The following USP34 variants were observed in gnomAD, a reference collection of about 807,000 sequenced individuals.
USP34 encodes the protein ubiquitin specific peptidase 34.
Under a neutral mutation model 460.3 loss-of-function variants are expected in USP34, and 70 were observed. The ratio of observed to expected loss-of-function variants is 0.15; its 90% CI spans 0.13 to 0.19. The LOEUF is 0.19. Ranked by LOEUF, USP34 falls within the 10% of genes least tolerant of loss-of-function variation. The probability of loss-of-function intolerance (pLI) is 1.00; values close to 1 mark genes in which losing one functional copy is unlikely to be tolerated. For missense variants in USP34, 3,985 were observed against 4,236.2 expected (o/e 0.94, Z 1.65); for synonymous variants, 1,647 against 1,405.3 (o/e 1.17, Z -3.85).
At chr2:61,220,595 T>A (rs1196119849) in intron 66 of USP34, 138 bp from the exon 67 acceptor site, 2 of 781,142 alleles carry the variant, frequency 2.6e-6, no homozygotes, top group Non-Finnish European at 3.6e-6. Context: ...TTCACCCTAT[T>A]TTTTTCCCAT....
At chr2:61,350,762 A>G in intron 10 of USP34, 69 bp from the exon 11 acceptor site, 2 of 1,503,318 alleles carry the variant, frequency 1.3e-6, no homozygotes, top group Non-Finnish European at 1.8e-6. Context: ...CTGATATAAA[A>G]ACAGTTTGAA....
intron 37 of USP34, among the ~76,000 whole-genome samples, chr2:61,281,477 T>A (rs776761592): frequency 2.6e-5 from 4 of 152,078 alleles, no homozygotes; most frequent in Admixed American, 1.3e-4. Flanking sequence ...CCGGGTGTGG[T>A]GACTTGCGCC....
At chr2:61,395,564 C>T (rs192395580) in intron 3 of USP34, among the ~76,000 whole-genome samples, 243 of 151,498 alleles carry the variant, frequency 1.6e-3, no homozygotes, top group Non-Finnish European at 4.1e-4. Flanking sequence ...TTTGGGAGGC[C>T]GAGGCGGGCG....
At chr2:61,235,979 T>A in intron 56 of USP34, 47 bp downstream of exon 56, 1 of 1,594,852 alleles carries the variant, frequency 6.3e-7, no homozygotes, top group African/African-American at 1.4e-5. Context: ...AAAAGATATC[T>A]GATAAAAACA....
At chr2:61,464,603 T>C (rs1331784924) in intron 1 of USP34, among the ~76,000 whole-genome samples, 1 of 149,704 alleles carries the variant, frequency 6.7e-6, no homozygotes, top group Non-Finnish European at 1.5e-5. Context: ...TTTAAAACAA[T>C]GACGTACACC....
chr2:61,281,112 G>T lies in USP34; in HGVS notation c.5129C>A (p.Ala1710Asp), dbSNP rs763245194. 6.2e-7 allele frequency: 1 copy of T among 1,613,666 alleles called. No homozygotes were observed. Among genetic ancestry groups the T allele is most frequent in the Non-Finnish European group, 8.5e-7 (1 of 1,179,796 alleles). ...TACCCTAATAGGTTTGAGTGCTTGA[G>T]CATCAGGAAGAAATTTCAATAATGT... ...ASTLLKFLPD[A>D]QALKPIRIDD... Residue 1710 changes from alanine (A) to aspartate (D), a missense_variant, in exon 38 of 80, where the codon GCT (alanine) becomes GAT (aspartate). Ala to Asp is a moderately radical substitution (Grantham distance 126, BLOSUM62 -2). Coordinates refer to ENST00000398571, the MANE Select transcript of USP34 (RefSeq NM_014709.4).
At chr2:61,453,388 T>C (rs372441461) in intron 1 of USP34, among the ~76,000 whole-genome samples, 11 of 151,064 alleles carry the variant, frequency 7.3e-5, no homozygotes, top group African/African-American at 1.5e-4. Flanking sequence ...TACTCCAGCA[T>C]AGACGACAGA....
chr2:61,229,809 CA>C (rs1180608964), intron 58 of USP34, among the ~76,000 whole-genome samples, 176 bp from the exon 59 acceptor site: 3 of 152,002 alleles, frequency 2.0e-5, no homozygotes. Context: ...GCAAAGGTAG[CA>C]TTAAAAAAAT....
rs762149333 is a variant in USP34 at position 61,221,570 on chromosome 2, T to C, written c.7831A>G (p.Met2611Val). The C allele has an allele frequency of 1.9e-6, 3 of 1,613,998 alleles. No homozygotes were observed. Among genetic ancestry groups the C allele is most frequent in the Non-Finnish European group, 2.5e-6 (3 of 1,179,980 alleles). Residue 2611 changes from methionine to valine, a missense_variant, in exon 66 of 80, where the codon ATG becomes GTG. Physicochemically the swap from Met to Val is conservative, Grantham distance 21 (BLOSUM62 1). Coordinates refer to ENST00000398571, the MANE Select transcript of USP34 (RefSeq NM_014709.4). Reference sequence around the variant, plus strand: ...CCTGGAGGTCCACCAGCAAACTCCATTAGCATAGTCAACAACTTAAAGAAA... The same window carrying C: ...CCTGGAGGTCCACCAGCAAACTCCACTAGCATAGTCAACAACTTAAAGAAA... ...NPFFKLLTMLMEFAGGPPGMP... is the reference protein window; with the variant it reads ...NPFFKLLTMLVEFAGGPPGMP...
At chr2:61,392,195 G>A (rs1693369535) in intron 5 of USP34, among the ~76,000 whole-genome samples, 1 of 152,184 alleles carries the variant, frequency 6.6e-6, no homozygotes, top group Non-Finnish European at 1.5e-5. Flanking sequence ...AGCCAGGCGT[G>A]GTGACATGCA....
intron 1 of USP34, among the ~76,000 whole-genome samples, chr2:61,444,721 C>T (rs1466011208): frequency 6.6e-6 from 1 of 152,148 alleles, no homozygotes; most frequent in East Asian, 1.9e-4. Flanking sequence ...AATGACATGC[C>T]TAGTCAAACA....
intron 48 of USP34, among the ~76,000 whole-genome samples, chr2:61,252,347 C>A (rs1688608586): frequency 6.6e-6 from 1 of 152,068 alleles, no homozygotes; most frequent in Non-Finnish European, 1.5e-5. Flanking sequence ...GCCTGGCAAA[C>A]AGCATTCAGT....
intron 8 of USP34, among the ~76,000 whole-genome samples, chr2:61,374,177 AAC>A (rs1491376235): frequency 6.6e-6 from 1 of 151,322 alleles, no homozygotes; most frequent in Non-Finnish European, 1.5e-5. Context: ...AAAAAAAAAA[AAC>A]AGAGAAAATG....
rs772753182 is a variant in USP34 at position 61,311,551 on chromosome 2, C to T, written c.3806G>A (p.Gly1269Glu). 6.3e-7 allele frequency: 1 copy of T among 1,595,870 alleles called. No homozygotes were observed. Among genetic ancestry groups the T allele is most frequent in the Admixed American group, 1.8e-5 (1 of 56,466 alleles). Residue 1269 changes from glycine (G) to glutamate (E), a missense_variant, in exon 27 of 80, where the codon GGA becomes GAA. Gly to Glu is a moderately conservative substitution (Grantham distance 98). This residue lies in a region of USP34 where 1,114 missense variants were observed against 1,122.5 expected (regional missense o/e 0.99). Transcript: ENST00000398571. Reference protein sequence around the residue: ...LQEFGQSNRKGEFPGGLMGPV... With the variant: ...LQEFGQSNRKEEFPGGLMGPV... ...ATTGAAAGGCTTACCAGGAAACTCT[C>T]CTTTTCGGTTGCTTTGACCAAACTC...
intron 78 of USP34, 159 bp from the exon 79 acceptor site, chr2:61,189,228 A>C: frequency 1.3e-6 from 1 of 763,292 alleles, no homozygotes. Flanking sequence ...CCAGAAAGCC[A>C]GTGTTAAGAT....
chr2:61,439,591 G>A (rs368462476), intron 1 of USP34, among the ~76,000 whole-genome samples: 2 of 152,170 alleles, frequency 1.3e-5, no homozygotes, highest in East Asian at 1.9e-4. Context: ...AGCAGCTGTG[G>A]GTACTCAGGT....
In USP34 at chr2:61,348,117, C is replaced by T; in HGVS notation, c.2038G>A (p.Glu680Lys). The T allele has an allele frequency of 8.1e-6, 13 of 1,614,204 alleles. No individual in the cohort carries two copies. Among genetic ancestry groups the T allele is most frequent in the Non-Finnish European group, 1.1e-5 (13 of 1,180,022 alleles). Residue 680 changes from glutamate to lysine, a missense_variant, in exon 15 of 80, where the codon GAA (glutamate) becomes AAA (lysine). Glu to Lys is a moderately conservative substitution (Grantham distance 56). Around this residue, in one of 14 missense-constraint regions of USP34, gnomAD observed 716 missense variants for 626.2 expected, o/e 1.14. Coordinates refer to ENST00000398571, the MANE Select transcript of USP34 (RefSeq NM_014709.4). ...GTGKDLVFNT[E>K]SLPSVDNRMR... ...CGATTATCTACTGATGGCAATGATT[C>T]AGTGTTAAAAACCAGGTCCTTTCCT...
chr2:61,283,563 CAGTGGGTGTGTGAGTGAG>C (rs1181063341), intron 35 of USP34, 114 bp from the exon 36 acceptor site: 2 of 1,125,082 alleles, frequency 1.8e-6, no homozygotes, highest in African/African-American at 3.3e-5. Flanking sequence ...AAAAGGAAAG[CAGTGGGTGTGTGAGTGAG>C]AGTGAGAGTG....
intron 22 of USP34, among the ~76,000 whole-genome samples, 184 bp from the exon 23 acceptor site, chr2:61,317,951 G>C (rs1690801074): frequency 6.6e-6 from 1 of 151,940 alleles, no homozygotes; most frequent in Non-Finnish European, 1.5e-5. Flanking sequence ...CAGTACTTTG[G>C]AAAGCCAAGG....
Sources: gnomAD v4.1 joint callset for allele counts (sites outside exome capture counted in the v4.1 genomes callset) on GRCh38, gnomAD v4.1.1 for gene constraint, gnomAD v4.1.1 regional missense constraint, MANE v1.5 for transcripts, NCBI Gene and HGNC (gene_info 2026-07-23, HGNC 2026-07-21) for gene names.